The following KAT2B variants were observed in gnomAD, a reference collection of about 807,000 sequenced individuals.
KAT2B encodes the protein lysine acetyltransferase 2B, also known as histone acetyltransferase KAT2B.
A neutral mutation model predicts 105.9 loss-of-function variants in KAT2B; 36 were observed. The observed-to-expected ratio is 0.34, with a 90% CI of 0.26 to 0.45. The LOEUF (loss-of-function observed/expected upper bound fraction) is 0.45, where lower values mean the gene tolerates loss of function less well. Among genes scored for constraint, KAT2B ranks in the 20% least tolerant of loss-of-function variants. The pLI is 1.00. For synonymous variants in KAT2B, 397 were observed against 377.9 expected (o/e 1.05, Z -0.59); for missense variants, 820 against 1,021.6 (o/e 0.80, Z 2.69).
At chr3:20,151,769 A>G (rs752560328) in intron 17 of KAT2B, among the ~76,000 whole-genome samples, 1 of 152,162 alleles carries the variant, frequency 6.6e-6, no homozygotes, top group Non-Finnish European at 1.5e-5. Flanking sequence ...GAAGTTTGTT[A>G]TTCTTATTTC....
chr3:20,050,383 C>T (rs1355590682), intron 1 of KAT2B, among the ~76,000 whole-genome samples: 2 of 152,094 alleles, frequency 1.3e-5, no homozygotes, highest in African/African-American at 2.4e-5. Flanking sequence ...TATGCAACTG[C>T]CACCTAGATA....
intron 3 of KAT2B, among the ~76,000 whole-genome samples, chr3:20,096,921 G>T (rs1165061709): frequency 2.0e-5 from 3 of 150,898 alleles, no homozygotes; most frequent in African/African-American, 7.3e-5. Context: ...TAAATTTGGG[G>T]ATATTAACTT....
chr3:20,058,453 CA>C (rs35239760), intron 1 of KAT2B, among the ~76,000 whole-genome samples: 16,962 of 74,068 alleles, frequency 0.23, 491 homozygotes, highest in East Asian at 0.39. Flanking sequence ...GACTCTGTCT[CA>C]AAAAAAAAAA....
chr3:20,126,683 C>T (rs1033576023), intron 10 of KAT2B, among the ~76,000 whole-genome samples: 4 of 151,684 alleles, frequency 2.6e-5, no homozygotes, highest in Non-Finnish European at 5.9e-5. Context: ...TTAGCCAGGC[C>T]TGGTGACACA....
At chr3:20,082,797 C>T (rs1375725807) in intron 2 of KAT2B, among the ~76,000 whole-genome samples, 7 of 152,114 alleles carry the variant, frequency 4.6e-5, no homozygotes, top group African/African-American at 7.2e-5. Context: ...CCACCAAATA[C>T]GTAAGCATTT....
intron 1 of KAT2B, among the ~76,000 whole-genome samples, chr3:20,051,580 T>C (rs575816842): frequency 6.6e-5 from 10 of 152,314 alleles, no homozygotes; most frequent in Admixed American, 6.5e-4. Context: ...CCACCTTTCT[T>C]ATGTGGGCCT....
chr3:20,090,614 T>C (rs6779675), intron 2 of KAT2B, among the ~76,000 whole-genome samples: 93,609 of 152,066 alleles, frequency 0.62, 29,518 homozygotes, highest in African/African-American at 0.76. Context: ...TGTGTATTTT[T>C]GCATCCATGT....
chr3:20,087,229 A>T (rs926738920), intron 2 of KAT2B, among the ~76,000 whole-genome samples: 4 of 152,346 alleles, frequency 2.6e-5, no homozygotes, highest in Middle Eastern at 6.8e-3. Context: ...CAAAGAAATG[A>T]TAAATATTTG....
intron 1 of KAT2B, among the ~76,000 whole-genome samples, chr3:20,058,968 A>G (rs1698049132): frequency 6.6e-6 from 1 of 152,194 alleles, no homozygotes; most frequent in Non-Finnish European, 1.5e-5. Context: ...CATTTTGATG[A>G]GATCTCCAGG....
At chr3:20,133,122 A>G (rs1699540686) in intron 11 of KAT2B, among the ~76,000 whole-genome samples, 1 of 152,144 alleles carries the variant, frequency 6.6e-6, no homozygotes, top group Non-Finnish European at 1.5e-5. Flanking sequence ...TCCCACTACC[A>G]TCCTGCTATT....
rs146273319 is a variant in KAT2B at position 20,064,808 on chromosome 3, C to T, written c.304-7525C>T. ...TTATACTGAATAAATTTTCCATCAA[C>T]GTGTTCTTGCTGTGGGACATCCTTG... On this transcript the variant is annotated intron_variant, in intron 1 of 17. Coordinates refer to ENST00000263754, the MANE Select transcript of KAT2B (RefSeq NM_003884.5). 2.3e-3 allele frequency among the ~76,000 whole-genome samples: 350 copies of T among 152,312 alleles called. 2 individuals carry two copies. The highest frequency in any genetic ancestry group is 7.9e-3 in the African/African-American group (328 of 41,570).
rs372460930 is a variant in KAT2B, at chr3:20,072,489, A to G, written c.430+30A>G. 7.5e-6 allele frequency: 12 copies of G among 1,607,748 alleles called. No individual in the cohort carries two copies. The African/African-American group carries it at 1.3e-4, about 18-fold the overall frequency. On this transcript the variant is annotated intron_variant, in intron 2 of 17. Coordinates refer to ENST00000263754, the MANE Select transcript of KAT2B (RefSeq NM_003884.5). Reference sequence around the variant, plus strand: ...GTTCCTAAATCTTCAAGGAAAGTATAACGAGTTCATTGTAGCGTGAGACTC... The same window carrying G: ...GTTCCTAAATCTTCAAGGAAAGTATGACGAGTTCATTGTAGCGTGAGACTC...
chr3:20,148,094 T>A, intron 15 of KAT2B, 95 bp downstream of exon 15: 1 of 1,380,608 alleles, frequency 7.2e-7, no homozygotes, highest in Non-Finnish European at 1.0e-6. Flanking sequence ...TTGTAATCAC[T>A]AACACAACAG....
At chr3:20,046,101 C>T (rs1697806106) in intron 1 of KAT2B, among the ~76,000 whole-genome samples, 2 of 152,176 alleles carry the variant, frequency 1.3e-5, no homozygotes, top group South Asian at 4.1e-4. Context: ...AAAGTGTCCC[C>T]AGAATTCCTA....
At chr3:20,071,800 G>A (rs1383047573) in intron 1 of KAT2B, among the ~76,000 whole-genome samples, 2 of 152,198 alleles carry the variant, frequency 1.3e-5, no homozygotes, top group Non-Finnish European at 2.9e-5. Flanking sequence ...GCTCACAGAA[G>A]TCTTGGAGGA....
At chr3:20,097,449 T>C (rs1698830915) in intron 3 of KAT2B, among the ~76,000 whole-genome samples, 1 of 152,204 alleles carries the variant, frequency 6.6e-6, no homozygotes, top group Non-Finnish European at 1.5e-5. Context: ...AGTATTATTC[T>C]TGGGCAAATA....
chr3:20,056,283 A>C (rs1327561951), intron 1 of KAT2B, among the ~76,000 whole-genome samples: 1 of 152,122 alleles, frequency 6.6e-6, no homozygotes, highest in African/African-American at 2.4e-5. Flanking sequence ...GTTACAAGGG[A>C]GGTGGTGATG....
chr3:20,104,388 G>A (rs559464325), intron 5 of KAT2B, among the ~76,000 whole-genome samples: 6 of 152,152 alleles, frequency 3.9e-5, no homozygotes, highest in Non-Finnish European at 8.8e-5. Flanking sequence ...ATCACGTCAT[G>A]TTGATGAGGA....
At chr3:20,113,562 A>C (rs1482741934) in intron 6 of KAT2B, among the ~76,000 whole-genome samples, 1 of 152,172 alleles carries the variant, frequency 6.6e-6, no homozygotes, top group Non-Finnish European at 1.5e-5. Context: ...GTGGGGTAAA[A>C]CTACCACCCA....
Sources: allele counts gnomAD v4.1 joint callset (sites outside exome capture counted in the v4.1 genomes callset), GRCh38; gene constraint gnomAD v4.1.1; transcripts MANE v1.5; gene names NCBI Gene and HGNC (gene_info 2026-07-23, HGNC 2026-07-21).